SLC75A1: variants seen among roughly 807,000 people sequenced by gnomAD.
SLC75A1 encodes major facilitator superfamily domain containing 10.
the SLC75A1 span, chr4:2,934,733 C>T: frequency 9.9e-4 from 122 of 123,208 alleles, 1 homozygote; most frequent in African/African-American, 3.6e-3. Context: ...GCCCCCTACG[C>T]CCCCCACCCC....
At chr4:2,933,247 A>G in the SLC75A1 span, 1 of 1,575,418 alleles carries the variant, frequency 6.3e-7, no homozygotes, top group Non-Finnish European at 8.7e-7. Flanking sequence ...GCTGCCTGGC[A>G]CCATGAGCTG....
chr4:2,931,970 C>A, the SLC75A1 span: 1 of 1,602,946 alleles, frequency 6.2e-7, no homozygotes, highest in Non-Finnish European at 8.5e-7. Context: ...AGAAGGCGAC[C>A]ACAGCAGGGA....
At chr4:2,932,978 G>T in the SLC75A1 span, 2 of 1,041,460 alleles carry the variant, frequency 1.9e-6, no homozygotes, top group Admixed American at 2.8e-5. Context: ...CCCCCTCCAG[G>T]ATGCGATGAG....
the SLC75A1 span, chr4:2,930,751 G>C: frequency 6.9e-7 from 1 of 1,446,798 alleles, no homozygotes; most frequent in African/African-American, 1.4e-5. Context: ...CCCTGGACTG[G>C]CGGGGGGTGG....
chr4:2,930,894 G>A, the SLC75A1 span: 1 of 1,612,966 alleles, frequency 6.2e-7, no homozygotes, highest in African/African-American at 1.3e-5. Flanking sequence ...AGGAAGAAGG[G>A]GAGCAAAAAG....
the SLC75A1 span, chr4:2,931,493 C>A: frequency 6.3e-7 from 1 of 1,586,602 alleles, no homozygotes; most frequent in Non-Finnish European, 8.6e-7. Context: ...AGCCTCAGCA[C>A]AGCCCGTGCC....
chr4:2,931,590 TCCG>T, the SLC75A1 span: 1 of 1,613,226 alleles, frequency 6.2e-7, no homozygotes, highest in Non-Finnish European at 8.5e-7. Flanking sequence ...CCAGGGTGGA[TCCG>T]CCGGGCATAG....
the SLC75A1 span, chr4:2,932,182 G>A: frequency 6.9e-6 from 11 of 1,583,276 alleles, no homozygotes; most frequent in South Asian, 2.3e-5. Context: ...AGAGCCTGCA[G>A]GAGCGGCTGC....
At chr4:2,931,952 G>C in the SLC75A1 span, 7 of 1,603,062 alleles carry the variant, frequency 4.4e-6, no homozygotes, top group African/African-American at 1.3e-5. Context: ...GAGAGGTGGC[G>C]CGTGCTGAGA....
chr4:2,933,373 G>A, the SLC75A1 span, among the ~76,000 whole-genome samples: 157 of 152,346 alleles, frequency 1.0e-3, no homozygotes, highest in African/African-American at 3.7e-3. Flanking sequence ...GGAGAGATGA[G>A]GAAGGATCTG....
chr4:2,932,530 C>G, the SLC75A1 span: 16 of 1,613,204 alleles, frequency 9.9e-6, no homozygotes, highest in African/African-American at 2.0e-4. Context: ...AAAGACCACC[C>G]GAGCTGCACA....
At chr4:2,934,233 C>A in the SLC75A1 span, 2 of 373,028 alleles carry the variant, frequency 5.4e-6, no homozygotes, top group Non-Finnish European at 9.8e-6. Flanking sequence ...GGCCGCGCCT[C>A]CCACGCCCTC....
chr4:2,933,177 A>G, the SLC75A1 span: 1 of 1,613,492 alleles, frequency 6.2e-7, no homozygotes, highest in South Asian at 1.1e-5. Flanking sequence ...GCACACAGAA[A>G]CTGCAGGACA....
chr4:2,933,963 G>C, the SLC75A1 span: 1 of 1,535,622 alleles, frequency 6.5e-7, no homozygotes, highest in Non-Finnish European at 8.8e-7. Context: ...GGTGCGGCGG[G>C]TCGGGTTAGC....
the SLC75A1 span, chr4:2,932,543 G>A: frequency 6.2e-7 from 1 of 1,613,104 alleles, no homozygotes. Context: ...GCTGCACAGG[G>A]AGACCCAGGC....
the SLC75A1 span, chr4:2,932,264 CTG>C: frequency 6.4e-7 from 1 of 1,552,756 alleles, no homozygotes; most frequent in Non-Finnish European, 8.7e-7. Flanking sequence ...TCCCTGGCAT[CTG>C]GGGCTGGCAC....
At chr4:2,933,635 C>A in the SLC75A1 span, 46 of 1,613,778 alleles carry the variant, frequency 2.9e-5, no homozygotes, top group Non-Finnish European at 3.7e-5. Context: ...CCAGTCCACC[C>A]CGCCCTGCCA....
At chr4:2,930,793 G>C in the SLC75A1 span, 1 of 1,601,978 alleles carries the variant, frequency 6.2e-7, no homozygotes, top group East Asian at 2.2e-5. Context: ...CCTGACCTAG[G>C]CTCCCACTCT....
At chr4:2,931,394 C>T in the SLC75A1 span, 7 of 1,550,630 alleles carry the variant, frequency 4.5e-6, no homozygotes, top group South Asian at 5.9e-5. Flanking sequence ...AGAGCAGCAG[C>T]CCCAGGCCCA....
Sources: gnomAD v4.1 joint callset for allele counts (sites outside exome capture counted in the v4.1 genomes callset) on GRCh38, gnomAD v4.1.1 for gene constraint, MANE v1.5 for transcripts, NCBI Gene and HGNC (gene_info 2026-07-23, HGNC 2026-07-21) for gene names.